Variants in HAUS6 observed in about 807,000 individuals in gnomAD.
HAUS6 encodes HAUS augmin like complex subunit 6.
Under a neutral mutation model 106.8 loss-of-function variants are expected in HAUS6, and 80 were observed. The ratio of observed to expected loss-of-function variants is 0.75; its 90% CI spans 0.63 to 0.90. The LOEUF is 0.90. Ranked by LOEUF, HAUS6 falls within the 40% of genes least tolerant of loss-of-function variation. The pLI, the probability that HAUS6 is intolerant of heterozygous loss-of-function variation, is 0.00. For missense variants in HAUS6, 1,155 were observed against 1,118.1 expected (o/e 1.03, Z -0.47); for synonymous variants, 356 against 379.1 (o/e 0.94, Z 0.71).
At chr9:19,081,562 C>T (rs1186280224) in intron 8 of HAUS6, among the ~76,000 whole-genome samples, 2 of 152,032 alleles carry the variant, frequency 1.3e-5, no homozygotes, top group African/African-American at 4.8e-5. Flanking sequence ...ACCTCAGCCT[C>T]CCAAGTAGCT....
chr9:19,077,971 G>T (rs1045568892), intron 10 of HAUS6, among the ~76,000 whole-genome samples: 1 of 152,076 alleles, frequency 6.6e-6, no homozygotes, highest in Non-Finnish European at 1.5e-5. Flanking sequence ...TGAGGTGGGA[G>T]GATTGCTTGA....
intron 1 of HAUS6, among the ~76,000 whole-genome samples, chr9:19,099,955 A>G (rs1264603460): frequency 6.6e-6 from 1 of 152,216 alleles, no homozygotes; most frequent in African/African-American, 2.4e-5. Context: ...GCACTTTGGG[A>G]GGCCAAGGCA....
At chr9:19,097,274 T>C (rs1003627298) in intron 1 of HAUS6, among the ~76,000 whole-genome samples, 5 of 152,056 alleles carry the variant, frequency 3.3e-5, no homozygotes, top group African/African-American at 2.4e-5. Flanking sequence ...CTAAACAGCT[T>C]CTGCACAGCA....
chr9:19,059,301 C>G (rs1209858974), intron 15 of HAUS6, among the ~76,000 whole-genome samples: 1 of 152,238 alleles, frequency 6.6e-6, no homozygotes, highest in Non-Finnish European at 1.5e-5. Context: ...ATCTAAGCCA[C>G]AGTTTGGCAA....
At position 19,094,381 on chromosome 9, in the gene HAUS6, G is replaced by C; in HGVS notation, c.239C>G (p.Pro80Arg). The C allele has an allele frequency of 6.2e-7, 1 of 1,600,526 alleles. No individual in the cohort carries two copies. Among genetic ancestry groups the C allele is most frequent in the African/African-American group, 1.3e-5 (1 of 74,550 alleles). The change falls in exon 3 of 17, where the codon CCA becomes CGA. Residue 80 changes from proline to arginine, a missense_variant. Physicochemically the swap from Pro to Arg is moderately radical, Grantham distance 103. Transcript: ENST00000380502. The stretch of plus-strand genomic sequence containing the variant: ...TTCAGTGTCACTTTTTTGGTCAAAT[G>C]GGGGCCAACAAAATCTGGAAAACAA... ...TKEVFKFCWP[P>R]FDQKSDTEFR...
At chr9:19,098,405 T>G (rs1204291149) in intron 1 of HAUS6, among the ~76,000 whole-genome samples, 1 of 136,178 alleles carries the variant, frequency 7.3e-6, no homozygotes, top group African/African-American at 2.8e-5. Flanking sequence ...GCCACCGCAC[T>G]CCAGCCTGGC....
Position 19,089,574 on chromosome 9 carries a change from A to T in HAUS6, c.437-15T>A. 6.3e-7 allele frequency: 1 copy of T among 1,597,118 alleles called. No homozygotes were observed. Among genetic ancestry groups the T allele is most frequent in the Non-Finnish European group, 8.6e-7 (1 of 1,168,490 alleles). ...ATGAGAAGAATCTACACAGAACACA[A>T]ATAAGATTATAGAAAACAGGCTGGT... On this transcript the variant is annotated splice_polypyrimidine_tract_variant and intron_variant, in intron 4 of 16. Transcript: ENST00000380502.
At chr9:19,099,506 C>T (rs985159419) in intron 1 of HAUS6, among the ~76,000 whole-genome samples, 8 of 152,158 alleles carry the variant, frequency 5.3e-5, no homozygotes, top group South Asian at 4.2e-4. Context: ...CTCTTGTTAC[C>T]CAGGCTGGAG....
chr9:19,069,397 G>A (rs1195060618), intron 12 of HAUS6, among the ~76,000 whole-genome samples: 1 of 152,080 alleles, frequency 6.6e-6, no homozygotes, highest in South Asian at 2.1e-4. Context: ...CCAGTTAAAA[G>A]GGCAAAATTG....
Position 19,102,516 on chromosome 9 carries a change from C to G in HAUS6, c.128+8G>C. The G allele has an allele frequency of 1.2e-6, 2 of 1,612,522 alleles. No individual in the cohort carries two copies. Among genetic ancestry groups the G allele is most frequent in the Non-Finnish European group, 1.7e-6 (2 of 1,179,304 alleles). Reference sequence around the variant, plus strand: ...GCTCCCTCGCCCCGCCGGCCCCGGCCTCCTTACACTCCGAGGTGCGTGTGC... The same window carrying G: ...GCTCCCTCGCCCCGCCGGCCCCGGCGTCCTTACACTCCGAGGTGCGTGTGC... On this transcript the variant is annotated splice_region_variant and intron_variant, in intron 1 of 16. Coordinates refer to ENST00000380502, the MANE Select transcript of HAUS6 (RefSeq NM_017645.5).
chr9:19,063,541 A>G lies in HAUS6; in HGVS notation c.1416T>C (p.Asp472=), dbSNP rs1564008232. 1 of 1,602,090 alleles carries G rather than the reference A, an allele frequency of 6.2e-7. No homozygotes were observed. The highest frequency in any genetic ancestry group is 8.6e-7 in the Non-Finnish European group (1 of 1,169,076). The change falls in exon 13 of 17, where the codon GAT becomes GAC. Residue 472 remains aspartate (D), a synonymous_variant. Coordinates refer to ENST00000380502, the MANE Select transcript of HAUS6 (RefSeq NM_017645.5). ...TTTCAAGTACTGTAACACTGTTTCT[A>G]TCTGATGATGAAACTGACTGCGACA... ...SFLSQSVSSS[D]RNSVTVLEKD...
Position 19,053,766 on chromosome 9 carries a change from T to G in HAUS6, c.*2577A>C, listed in dbSNP as rs1836409187. On this transcript the variant is annotated 3_prime_UTR_variant, in exon 17 of 17. Coordinates refer to ENST00000380502, the MANE Select transcript of HAUS6 (RefSeq NM_017645.5). ...GTAATAAATTAGCCCTCTTTACCAT[T>G]TATTCCATGATATAGGAGGCAAACA... The G allele has an allele frequency of 1.3e-5, 2 of 152,200 alleles. No individual in the cohort carries two copies. Among genetic ancestry groups the G allele is most frequent in the African/African-American group, 4.8e-5 (2 of 41,456 alleles). The allele number at this position is 152,200 out of a possible 1,614,324, so 9.4% of individuals were successfully genotyped here.
At chr9:19,096,074 T>G (rs1817855855) in intron 2 of HAUS6, among the ~76,000 whole-genome samples, 1 of 152,184 alleles carries the variant, frequency 6.6e-6, no homozygotes, top group African/African-American at 2.4e-5. Flanking sequence ...AACAATAATT[T>G]GCTTAATTAT....
chr9:19,101,928 A>T (rs1817997019), intron 1 of HAUS6, among the ~76,000 whole-genome samples: 2 of 152,278 alleles, frequency 1.3e-5, no homozygotes, highest in Middle Eastern at 3.4e-3. Context: ...GAAAGAAAAG[A>T]ATTCCTCTTG....
chr9:19,102,368 G>C (rs1037657612), intron 1 of HAUS6, among the ~76,000 whole-genome samples, 156 bp downstream of exon 1: 1 of 152,242 alleles, frequency 6.6e-6, no homozygotes. Flanking sequence ...CCCTAGGCTG[G>C]CAGCAACTGG....
intron 9 of HAUS6, 147 bp downstream of exon 9, chr9:19,080,332 C>G: frequency 1.6e-6 from 1 of 606,914 alleles, no homozygotes; most frequent in South Asian, 2.1e-5. Flanking sequence ...TCATGTATAT[C>G]TCCAAGAGTT....
intron 11 of HAUS6, among the ~76,000 whole-genome samples, chr9:19,072,462 G>C (rs1183023691): frequency 6.6e-6 from 1 of 151,444 alleles, no homozygotes; most frequent in Non-Finnish European, 1.5e-5. Flanking sequence ...GCAGTGAGCT[G>C]AGATTGTGCC....
intron 9 of HAUS6, among the ~76,000 whole-genome samples, chr9:19,079,810 G>A (rs553116871): frequency 7.9e-5 from 12 of 151,846 alleles, no homozygotes; most frequent in East Asian, 7.8e-4. Flanking sequence ...GTCTGAGGCA[G>A]GAGAATCGCA....
chr9:19,069,332 A>G (rs1213462106), intron 12 of HAUS6, among the ~76,000 whole-genome samples: 1 of 152,238 alleles, frequency 6.6e-6, no homozygotes, highest in Non-Finnish European at 1.5e-5. Context: ...ATGCCCATGT[A>G]TCATAAATGT....
Sources: allele counts gnomAD v4.1 joint callset (sites outside exome capture counted in the v4.1 genomes callset), GRCh38; gene constraint gnomAD v4.1.1; transcripts MANE v1.5; gene names NCBI Gene and HGNC (gene_info 2026-07-23, HGNC 2026-07-21).